The following QTMAN variants were observed in gnomAD, a reference collection of about 807,000 sequenced individuals.
QTMAN encodes the protein tRNA-queuosine alpha-mannosyltransferase.
At chr2:143,986,674 T>C in the QTMAN span, among the ~76,000 whole-genome samples, 1 of 152,232 alleles carries the variant, frequency 6.6e-6, no homozygotes, top group African/African-American at 2.4e-5. Flanking sequence ...AATTCCCTTT[T>C]TGGGTTTCAT....
chr2:143,984,877 A>G, the QTMAN span, among the ~76,000 whole-genome samples: 11 of 152,124 alleles, frequency 7.2e-5, no homozygotes, highest in East Asian at 3.9e-4. Context: ...CCACAACTCA[A>G]TAAAGTCCTC....
chr2:144,012,645 T>G, the QTMAN span, among the ~76,000 whole-genome samples: 12 of 152,288 alleles, frequency 7.9e-5, no homozygotes, highest in East Asian at 2.3e-3. Context: ...TGAGAGATTT[T>G]AATAAAAAGT....
At chr2:143,989,516 A>C in the QTMAN span, among the ~76,000 whole-genome samples, 1 of 152,144 alleles carries the variant, frequency 6.6e-6, no homozygotes, top group Non-Finnish European at 1.5e-5. Flanking sequence ...GTGGTCCTTA[A>C]AGAATGAGGA....
chr2:144,082,590 A>G, the QTMAN span, among the ~76,000 whole-genome samples: 2 of 152,118 alleles, frequency 1.3e-5, no homozygotes, highest in East Asian at 1.9e-4. Flanking sequence ...GAACATACCC[A>G]TATAGTTAAA....
At chr2:144,300,697 T>C in the QTMAN span, among the ~76,000 whole-genome samples, 1 of 152,252 alleles carries the variant, frequency 6.6e-6, no homozygotes, top group East Asian at 1.9e-4. Flanking sequence ...TTCAAAGATA[T>C]GTGCCAATCC....
the QTMAN span, among the ~76,000 whole-genome samples, chr2:144,059,010 G>A: frequency 6.6e-6 from 1 of 152,154 alleles, no homozygotes; most frequent in African/African-American, 2.4e-5. Flanking sequence ...AGCTGGTATT[G>A]TTTCTACTCT....
the QTMAN span, among the ~76,000 whole-genome samples, chr2:143,958,302 C>T: frequency 3.3e-5 from 5 of 151,810 alleles, no homozygotes; most frequent in East Asian, 9.7e-4. Context: ...GCAATAAATC[C>T]AAGAAAAGCT....
the QTMAN span, among the ~76,000 whole-genome samples, chr2:144,182,862 ATATATATATAT>A: frequency 2.9e-3 from 154 of 53,670 alleles, 2 homozygotes; most frequent in South Asian, 0.022. Context: ...TTTATATATA[ATATATATATAT>A]TATATATATA....
the QTMAN span, among the ~76,000 whole-genome samples, chr2:144,226,934 T>C: frequency 6.6e-6 from 1 of 152,130 alleles, no homozygotes; most frequent in Non-Finnish European, 1.5e-5. Context: ...TCCATCCTTC[T>C]AAGACAGTCA....
chr2:144,007,494 A>G, the QTMAN span: 9 of 1,606,232 alleles, frequency 5.6e-6, no homozygotes, highest in South Asian at 1.0e-4. Context: ...TTTAAGGCCG[A>G]GCATCTTCTT....
the QTMAN span, among the ~76,000 whole-genome samples, chr2:144,131,730 C>T: frequency 6.6e-6 from 1 of 151,834 alleles, no homozygotes; most frequent in South Asian, 2.1e-4. Context: ...ACCTCCATTC[C>T]CTAACAGCAA....
the QTMAN span, among the ~76,000 whole-genome samples, chr2:144,220,324 A>T: frequency 1.3e-5 from 2 of 152,250 alleles, no homozygotes; most frequent in African/African-American, 2.4e-5. Context: ...AAAGGTATAC[A>T]TAGACAACTG....
At chr2:144,293,692 T>C in the QTMAN span, among the ~76,000 whole-genome samples, 1 of 152,236 alleles carries the variant, frequency 6.6e-6, no homozygotes, top group African/African-American at 2.4e-5. Context: ...CCTGACCTCT[T>C]AGCGTAATAA....
the QTMAN span, among the ~76,000 whole-genome samples, chr2:143,989,227 T>C: frequency 6.6e-6 from 1 of 151,704 alleles, no homozygotes; most frequent in Non-Finnish European, 1.5e-5. Context: ...CTATATTATA[T>C]AAAAATTTTA....
the QTMAN span, among the ~76,000 whole-genome samples, chr2:144,070,498 T>A: frequency 6.6e-6 from 1 of 152,018 alleles, no homozygotes; most frequent in African/African-American, 2.4e-5. Flanking sequence ...CCAATTTAGA[T>A]CCAGCAGTGA....
chr2:144,123,341 T>C, the QTMAN span, among the ~76,000 whole-genome samples: 1 of 152,166 alleles, frequency 6.6e-6, no homozygotes, highest in East Asian at 1.9e-4. Flanking sequence ...ATTACCATGA[T>C]TAAAAGTCTG....
chr2:144,127,317 G>T, the QTMAN span, among the ~76,000 whole-genome samples: 10 of 151,980 alleles, frequency 6.6e-5, no homozygotes, highest in South Asian at 4.2e-4. Flanking sequence ...AAACAGAGCA[G>T]GTGAAACCTA....
At chr2:144,221,028 A>G in the QTMAN span, among the ~76,000 whole-genome samples, 1 of 152,180 alleles carries the variant, frequency 6.6e-6, no homozygotes, top group Admixed American at 6.5e-5. Flanking sequence ...GAGTACTTGT[A>G]TGTTACAAGA....
chr2:144,171,542 T>C, the QTMAN span, among the ~76,000 whole-genome samples: 1 of 152,220 alleles, frequency 6.6e-6, no homozygotes, highest in African/African-American at 2.4e-5. Flanking sequence ...ATTTTAATTA[T>C]GTGAAAAACT....
Sources: gnomAD v4.1 joint callset for allele counts (sites outside exome capture counted in the v4.1 genomes callset) on GRCh38, gnomAD v4.1.1 for gene constraint, MANE v1.5 for transcripts, NCBI Gene and HGNC (gene_info 2026-07-23, HGNC 2026-07-21) for gene names.